SLC35F3: variants seen among roughly 807,000 people sequenced by gnomAD.
The protein encoded by SLC35F3 is solute carrier family 35 member F3.
In SLC35F3, 25 loss-of-function variants were observed where a neutral mutation model predicts 49.9. That is an observed-to-expected ratio of 0.50 (90% CI 0.37 to 0.70). SLC35F3 has a LOEUF of 0.70. Ranked by LOEUF, SLC35F3 falls within the 30% of genes least tolerant of loss-of-function variation. SLC35F3 has a pLI of 0.00. For synonymous variants in SLC35F3, 275 were observed against 265.4 expected, an observed-to-expected ratio of 1.04 and a Z score of -0.35; for missense variants, 525 against 639.8, an observed-to-expected ratio of 0.82 and a Z score of 1.94.
At chr1:234,303,462 GCTTCCAGCTGCCACGTCTTTTT>G (rs1668724276) in intron 3 of SLC35F3, among the ~76,000 whole-genome samples, 1 of 152,200 alleles carries the variant, frequency 6.6e-6, no homozygotes, top group African/African-American at 2.4e-5. Context: ...GAGCTGGCCT[GCTTCCAGCTGCCACGTCTTTTT>G]CCTCCTTGGT....
intron 2 of SLC35F3, among the ~76,000 whole-genome samples, chr1:233,948,928 T>A (rs1383226210): frequency 6.6e-6 from 1 of 152,114 alleles, no homozygotes; most frequent in Non-Finnish European, 1.5e-5. Context: ...GGAGGCTGTT[T>A]CTCCCTCACA....
At chr1:234,201,649 G>GA (rs1227030592) in intron 2 of SLC35F3, among the ~76,000 whole-genome samples, 1 of 152,158 alleles carries the variant, frequency 6.6e-6, no homozygotes, top group Non-Finnish European at 1.5e-5. Flanking sequence ...CTTCTCCTAT[G>GA]AGTATTTCCC....
chr1:234,102,486 T>C (rs1214377824), intron 2 of SLC35F3, among the ~76,000 whole-genome samples: 2 of 152,226 alleles, frequency 1.3e-5, no homozygotes, highest in African/African-American at 4.8e-5. Flanking sequence ...GTGTGCAAGA[T>C]CTAACCTTTC....
chr1:234,048,787 A>G (rs1664331880), intron 2 of SLC35F3, among the ~76,000 whole-genome samples: 1 of 152,198 alleles, frequency 6.6e-6, no homozygotes, highest in Admixed American at 6.5e-5. Flanking sequence ...GTGGGTTCAG[A>G]AGGCAGTACA....
At chr1:233,923,854 G>C (rs957812217) in intron 2 of SLC35F3, among the ~76,000 whole-genome samples, 2 of 152,134 alleles carry the variant, frequency 1.3e-5, no homozygotes, top group African/African-American at 2.4e-5. Context: ...TTAGCATGAA[G>C]GGCTGTTGAA....
At chr1:234,093,159 A>G (rs1036163201) in intron 2 of SLC35F3, among the ~76,000 whole-genome samples, 3 of 152,250 alleles carry the variant, frequency 2.0e-5, no homozygotes, top group Non-Finnish European at 4.4e-5. Context: ...CTGGTAAACA[A>G]TAAAGACTAA....
intron 2 of SLC35F3, among the ~76,000 whole-genome samples, chr1:233,938,996 T>C (rs939666729): frequency 5.3e-5 from 8 of 152,170 alleles, no homozygotes; most frequent in Non-Finnish European, 5.9e-5. Flanking sequence ...TTATCCATCA[T>C]AGGGTTTGGA....
At chr1:234,150,648 G>A (rs1162850940) in intron 2 of SLC35F3, among the ~76,000 whole-genome samples, 5 of 152,206 alleles carry the variant, frequency 3.3e-5, no homozygotes, top group Admixed American at 6.5e-5. Flanking sequence ...AGACAGGTAT[G>A]GAGAGGATTC....
chr1:234,004,611 A>G (rs948254293), intron 2 of SLC35F3, among the ~76,000 whole-genome samples: 1 of 152,180 alleles, frequency 6.6e-6, no homozygotes, highest in Non-Finnish European at 1.5e-5. Flanking sequence ...ACTAATTTTG[A>G]AAAGAAAAAC....
chr1:233,983,024 AGC>A (rs986969654), intron 2 of SLC35F3, among the ~76,000 whole-genome samples: 5 of 152,286 alleles, frequency 3.3e-5, no homozygotes, highest in African/African-American at 1.2e-4. Context: ...GGCAGGTAGG[AGC>A]GCAGTTCCTG....
chr1:234,236,354 A>T (rs545488), intron 3 of SLC35F3, among the ~76,000 whole-genome samples: 19,233 of 152,054 alleles, frequency 0.13, 1,348 homozygotes, highest in Middle Eastern at 0.24. Flanking sequence ...CAGGAGGATC[A>T]CCTGAGCCTT....
At chr1:234,081,109 C>T (rs1295862585) in intron 2 of SLC35F3, among the ~76,000 whole-genome samples, 2 of 152,206 alleles carry the variant, frequency 1.3e-5, no homozygotes, top group African/African-American at 4.8e-5. Flanking sequence ...ACCTGGTCTT[C>T]CTTCTTCAGT....
intron 2 of SLC35F3, among the ~76,000 whole-genome samples, chr1:233,914,220 C>G (rs1661931888): frequency 6.6e-6 from 1 of 152,102 alleles, no homozygotes; most frequent in African/African-American, 2.4e-5. Flanking sequence ...AGATTAACAC[C>G]AGAAAGTTGG....
chr1:234,193,689 T>C (rs12064212), intron 2 of SLC35F3, among the ~76,000 whole-genome samples: 12,196 of 152,172 alleles, frequency 0.08, 1,350 homozygotes, highest in African/African-American at 0.25. Flanking sequence ...TCTTCACAAC[T>C]TGTAATCCTA....
intron 2 of SLC35F3, among the ~76,000 whole-genome samples, chr1:234,145,362 C>G (rs1665981186): frequency 6.6e-6 from 1 of 152,182 alleles, no homozygotes; most frequent in Non-Finnish European, 1.5e-5. Context: ...ACACAGTCTT[C>G]AGATCTTTAG....
chr1:234,133,577 C>G (rs1375714261), intron 2 of SLC35F3, among the ~76,000 whole-genome samples: 1 of 152,152 alleles, frequency 6.6e-6, no homozygotes, highest in Non-Finnish European at 1.5e-5. Flanking sequence ...CTGTAATATT[C>G]TATTTTCTAT....
chr1:234,060,422 G>C (rs1313416390), intron 2 of SLC35F3, among the ~76,000 whole-genome samples: 1 of 152,128 alleles, frequency 6.6e-6, no homozygotes, highest in Non-Finnish European at 1.5e-5. Context: ...GTGAGCGATA[G>C]GAATGTTACT....
intron 2 of SLC35F3, among the ~76,000 whole-genome samples, chr1:234,006,169 G>T (rs916281746): frequency 6.6e-6 from 1 of 152,138 alleles, no homozygotes; most frequent in African/African-American, 2.4e-5. Context: ...GCTGGGAACA[G>T]TGACATCACT....
intron 2 of SLC35F3, among the ~76,000 whole-genome samples, chr1:234,106,129 T>G (rs1665281678): frequency 6.6e-6 from 1 of 152,150 alleles, no homozygotes. Flanking sequence ...CGAAATTTGT[T>G]TGGGTGGCAT....
Sources: gnomAD v4.1 joint callset for allele counts (sites outside exome capture counted in the v4.1 genomes callset) on GRCh38, gnomAD v4.1.1 for gene constraint, MANE v1.5 for transcripts, NCBI Gene and HGNC (gene_info 2026-07-23, HGNC 2026-07-21) for gene names.